NTM: variants seen among roughly 807,000 people sequenced by gnomAD.
The protein encoded by NTM is IgLON family member 2.
NTM carries 13 observed loss-of-function variants against 42.1 expected under a neutral mutation model. That is an observed-to-expected ratio of 0.31 (90% confidence interval 0.20 to 0.49). The LOEUF (loss-of-function observed/expected upper bound fraction) is 0.49, where lower values mean the gene tolerates loss of function less well. Ranked by LOEUF, NTM falls within the 20% of genes least tolerant of loss-of-function variation. NTM has a pLI of 0.99. For synonymous variants in NTM, 187 were observed against 179.2 expected, an observed-to-expected ratio of 1.04 and a Z score of -0.35; for missense variants, 373 against 452.8, an observed-to-expected ratio of 0.82 and a Z score of 1.60.
chr11:131,688,309 G>A (rs2074201992), intron 1 of NTM, among the ~76,000 whole-genome samples: 1 of 152,206 alleles, frequency 6.6e-6, no homozygotes, highest in Non-Finnish European at 1.5e-5. Context: ...TGCCCCTCCT[G>A]GGTTTCTGAA....
At chr11:131,559,650 C>T (rs1323908691) in intron 1 of NTM, among the ~76,000 whole-genome samples, 2 of 152,230 alleles carry the variant, frequency 1.3e-5, no homozygotes, top group Admixed American at 1.3e-4. Flanking sequence ...TCTCCCAAAA[C>T]AGTGGCTTAA....
Position 132,078,331 on chromosome 11 carries a change from A to G in NTM, c.168-67951A>G, listed in dbSNP as rs542355495. ...TCGAACCTCAGCAAATTGGTAGCAC[A>G]GGGTTAGCATATTGCCTAGAGTCGG... On this transcript the variant is annotated intron_variant, in intron 2 of 8. Coordinates refer to ENST00000683400, the MANE Select transcript of NTM (RefSeq NM_001352005.2). Among the ~76,000 whole-genome samples, 5 of 152,338 alleles carry G rather than the reference A, an allele frequency of 3.3e-5. No individual in the cohort carries two copies. The South Asian group carries it at 8.3e-4, about 25-fold the overall frequency.
intron 2 of NTM, among the ~76,000 whole-genome samples, chr11:132,030,894 G>C (rs187263203): frequency 8.5e-5 from 13 of 152,142 alleles, no homozygotes; most frequent in Admixed American, 2.6e-4. Flanking sequence ...TCTCACTTTG[G>C]ACTTGTAGGT....
intron 4 of NTM, among the ~76,000 whole-genome samples, chr11:132,228,651 G>A (rs1345801881): frequency 6.6e-6 from 1 of 152,216 alleles, no homozygotes; most frequent in East Asian, 1.9e-4. Flanking sequence ...AAATTAGTGA[G>A]TGACCACAGT....
rs1380311696 is a variant in NTM at position 131,751,076 on chromosome 11, T to C, written c.83-160488T>C. On this transcript the variant is annotated intron_variant, in intron 1 of 8. Coordinates refer to ENST00000683400, the MANE Select transcript of NTM (RefSeq NM_001352005.2). ...CCCTCCTAATCACTCTTCAGGCCAT[T>C]TGGGATGCCCTTCTTATTGCCTATC... Among the ~76,000 whole-genome samples, 34 of 152,156 alleles carry C rather than the reference T, an allele frequency of 2.2e-4. 1 individual carries two copies. Among genetic ancestry groups the C allele is most frequent in the Admixed American group, 2.2e-3 (33 of 15,288 alleles).
At chr11:131,601,456 T>G (rs903744967) in intron 1 of NTM, among the ~76,000 whole-genome samples, 4 of 152,242 alleles carry the variant, frequency 2.6e-5, no homozygotes, top group Non-Finnish European at 5.9e-5. Context: ...TTAAACATTT[T>G]GTTTAAGACA....
chr11:132,087,624 G>T lies in NTM; in HGVS notation c.168-58658G>T, dbSNP rs180798657. 3.5e-4 allele frequency among the ~76,000 whole-genome samples: 54 copies of T among 152,202 alleles called. No individual in the cohort carries two copies. In the East Asian group the frequency reaches 9.5e-3, roughly 27 times the overall value. ...GTGGAATAGGGTCCTTCTCAAACAA[G>T]GAAGGGGAAAAGGGTGTCCTGTGAA... On this transcript the variant is annotated intron_variant, in intron 2 of 8. Transcript: ENST00000683400.
intron 2 of NTM, among the ~76,000 whole-genome samples, chr11:132,004,346 T>C (rs997589265): frequency 2.0e-5 from 3 of 152,212 alleles, no homozygotes; most frequent in African/African-American, 7.2e-5. Context: ...TATGTCTCAT[T>C]TACTAAGTAA....
At chr11:131,454,572 T>C (rs1040803079) in intron 1 of NTM, among the ~76,000 whole-genome samples, 4 of 152,094 alleles carry the variant, frequency 2.6e-5, no homozygotes, top group Non-Finnish European at 5.9e-5. Context: ...TACTCAGGGA[T>C]TTTGTCAGTC....
chr11:131,627,119 T>C (rs2063180030), intron 1 of NTM, among the ~76,000 whole-genome samples: 1 of 152,198 alleles, frequency 6.6e-6, no homozygotes. Context: ...TCGATTATAA[T>C]AATCTCTAAT....
Position 132,282,976 on chromosome 11 carries a change from C to CTTTTTTTTTTTT in NTM, c.527-24699_527-24688dup, listed in dbSNP as rs142817071. ...AATGAAACGGGAAATTCCTTTATTCCTTTTTTTTTTTTTTTTTTTTTTTTT... is the reference window on the plus strand; with the variant it reads ...AATGAAACGGGAAATTCCTTTATTCCTTTTTTTTTTTTTTTTTTTTTTTTTTTTTTTTTTTTT... On this transcript the variant is annotated intron_variant, in intron 4 of 8. Transcript: ENST00000683400. Among the ~76,000 whole-genome samples, 436 of 108,874 alleles carry CTTTTTTTTTTTT rather than the reference C, an allele frequency of 4.0e-3. 21 individuals are homozygous for CTTTTTTTTTTTT. Among genetic ancestry groups the CTTTTTTTTTTTT allele is most frequent in the East Asian group, 8.2e-3 (27 of 3,276 alleles). The allele number at this position is 108,874 out of a possible 152,430, so 71.4% of individuals were successfully genotyped here.
chr11:132,199,131 G>A (rs1224547315), intron 3 of NTM, among the ~76,000 whole-genome samples: 1 of 152,118 alleles, frequency 6.6e-6, no homozygotes, highest in Non-Finnish European at 1.5e-5. Flanking sequence ...GACAAAGCAT[G>A]GGTTTTTAAA....
At chr11:131,376,044 G>A (rs1474911921) in intron 1 of NTM, among the ~76,000 whole-genome samples, 1 of 151,842 alleles carries the variant, frequency 6.6e-6, no homozygotes, top group Non-Finnish European at 1.5e-5. Context: ...TAATTGATCA[G>A]TTGACAGATC....
At chr11:132,270,372 C>T (rs1302308708) in intron 4 of NTM, among the ~76,000 whole-genome samples, 1 of 152,040 alleles carries the variant, frequency 6.6e-6, no homozygotes, top group Non-Finnish European at 1.5e-5. Context: ...GCTGGGATTA[C>T]AGGTGCCACC....
chr11:132,011,595 G>A (rs1177281580), intron 2 of NTM, among the ~76,000 whole-genome samples: 6 of 152,128 alleles, frequency 3.9e-5, no homozygotes, highest in African/African-American at 1.2e-4. Flanking sequence ...ACCTTTACAA[G>A]CATTATCCAA....
intron 1 of NTM, among the ~76,000 whole-genome samples, chr11:131,555,358 G>A (rs58243006): frequency 0.2 from 30,194 of 152,112 alleles, 7,019 homozygotes; most frequent in African/African-American, 0.56. Flanking sequence ...GAATTCCATT[G>A]GACAGGGTTG....
intron 2 of NTM, among the ~76,000 whole-genome samples, chr11:132,106,438 A>G (rs1351310875): frequency 1.3e-5 from 2 of 152,240 alleles, no homozygotes; most frequent in Non-Finnish European, 2.9e-5. Context: ...GATTTGAGCC[A>G]TCTGGATTAA....
chr11:131,959,218 T>A (rs973837912), intron 2 of NTM, among the ~76,000 whole-genome samples: 1 of 152,206 alleles, frequency 6.6e-6, no homozygotes, highest in African/African-American at 2.4e-5. Context: ...ATTTGCCCAA[T>A]CTTTTCTCAG....
chr11:131,908,104 G>C (rs1052595029), intron 1 of NTM, among the ~76,000 whole-genome samples: 1 of 152,208 alleles, frequency 6.6e-6, no homozygotes, highest in Non-Finnish European at 1.5e-5. Flanking sequence ...CCTGAGCTTG[G>C]CTGGGTTTTC....
Sources: gnomAD v4.1 joint callset for allele counts (sites outside exome capture counted in the v4.1 genomes callset) on GRCh38, gnomAD v4.1.1 for gene constraint, MANE v1.5 for transcripts, NCBI Gene and HGNC (gene_info 2026-07-23, HGNC 2026-07-21) for gene names.